Variants in OSBPL3 observed in about 807,000 individuals in gnomAD.
OSBPL3 encodes the protein oxysterol-binding protein-related protein 3.
OSBPL3 carries 65 observed loss-of-function variants against 120.1 expected under a neutral mutation model. That is an observed-to-expected ratio of 0.54 (90% CI 0.44 to 0.67). The LOEUF (loss-of-function observed/expected upper bound fraction) is 0.67, where lower values mean the gene tolerates loss of function less well. OSBPL3 is among the 30% of genes least tolerant of loss of function. The probability of loss-of-function intolerance (pLI) is 0.00; values close to 1 mark genes in which losing one functional copy is unlikely to be tolerated. For missense variants in OSBPL3, 1,004 were observed against 1,082.1 expected, an observed-to-expected ratio of 0.93 and a Z score of 1.01; for synonymous variants, 416 against 402.6, an observed-to-expected ratio of 1.03 and a Z score of -0.40.
intron 1 of OSBPL3, among the ~76,000 whole-genome samples, chr7:24,942,475 T>C (rs1475224777): frequency 6.6e-6 from 1 of 152,012 alleles, no homozygotes; most frequent in African/African-American, 2.4e-5. Context: ...TGGTAATCCA[T>C]GCATTCCACG....
In OSBPL3 at chr7:24,867,707, G is replaced by A. The variant is rs962177311; in HGVS notation, c.382-1470C>T. Among the ~76,000 whole-genome samples the A allele has an allele frequency of 3.3e-5, 5 of 152,066 alleles. No homozygotes were observed. The highest frequency in any genetic ancestry group is 6.5e-5 in the Admixed American group (1 of 15,286). On this transcript the variant is annotated intron_variant, in intron 5 of 22. Transcript: ENST00000313367. This position sits in a 1 kb window ranked among gnomAD's most constrained non-coding sequence, Gnocchi z 4.5. ...TTTCTTTTGTAAATTGCCCAGTCTC[G>A]GGTATGTCTTTATCAGCAGTGTGAA... is the stretch of plus-strand genomic sequence containing the variant.
At chr7:24,915,648 A>C (rs973513597) in intron 1 of OSBPL3, among the ~76,000 whole-genome samples, 1 of 150,826 alleles carries the variant, frequency 6.6e-6, no homozygotes, top group Non-Finnish European at 1.5e-5. Flanking sequence ...ATCTTGGCTC[A>C]CTGCAGCCTC....
rs1025060013 is a variant in OSBPL3, at chr7:24,897,527, G to A, written c.-149-4906C>T. ...TTTTTAGTAGAGACGGGGTTTCACCGTGTTAGCCAGGATGGTCTCGATCTC... is the reference window on the plus strand; with the variant it reads ...TTTTTAGTAGAGACGGGGTTTCACCATGTTAGCCAGGATGGTCTCGATCTC... On this transcript the variant is annotated intron_variant, in intron 1 of 22. Transcript: ENST00000313367. Among the ~76,000 whole-genome samples, 4 of 151,596 alleles carry A rather than the reference G, an allele frequency of 2.6e-5. No homozygotes were observed. The East Asian group carries it at 5.8e-4, about 22-fold the overall frequency.
intron 2 of OSBPL3, among the ~76,000 whole-genome samples, chr7:24,890,710 T>C (rs1805219316): frequency 6.6e-6 from 1 of 152,158 alleles, no homozygotes; most frequent in African/African-American, 2.4e-5. Flanking sequence ...AAAGTCACAG[T>C]GTATGCATAT....
rs760887393 is a variant in OSBPL3 at position 24,946,644 on chromosome 7, G to A, written c.-150+33242C>T. On this transcript the variant is annotated intron_variant, in intron 1 of 22. Transcript: ENST00000313367. The surrounding 1 kb of genome is among the most constrained non-coding windows in gnomAD (Gnocchi z 4.3). Reference sequence around the variant, plus strand: ...GGTTACAAAGCTGCTTTTGGACTTTGGACTCCTAAGCAACAAAAGGCCACA... The same window carrying A: ...GGTTACAAAGCTGCTTTTGGACTTTAGACTCCTAAGCAACAAAAGGCCACA... Among the ~76,000 whole-genome samples, 1 of 152,124 alleles carries A rather than the reference G, an allele frequency of 6.6e-6. No individual in the cohort carries two copies. The highest frequency in any genetic ancestry group is 2.4e-5 in the African/African-American group (1 of 41,426).
Position 24,894,981 on chromosome 7 carries a change from T to G in OSBPL3, c.-149-2360A>C, listed in dbSNP as rs73091429. On this transcript the variant is annotated intron_variant, in intron 1 of 22. Coordinates refer to ENST00000313367, the MANE Select transcript of OSBPL3 (RefSeq NM_015550.4). The surrounding 1 kb of genome is among the most constrained non-coding windows in gnomAD (Gnocchi z 4.1). ...ATGACCCCCTGGTGACCCCTACCCCTGTCTCCTTTCCCCTTCTGGGAAAGA... is the reference window on the plus strand; with the variant it reads ...ATGACCCCCTGGTGACCCCTACCCCGGTCTCCTTTCCCCTTCTGGGAAAGA... Among the ~76,000 whole-genome samples the G allele has an allele frequency of 0.078, 11,881 of 152,208 alleles. 497 individuals are homozygous for G. Among genetic ancestry groups the G allele is most frequent in the South Asian group, 0.12 (575 of 4,822 alleles).
chr7:24,916,674 C>G lies in OSBPL3; in HGVS notation c.-149-24053G>C, dbSNP rs149215575. Among the ~76,000 whole-genome samples the G allele has an allele frequency of 6.6e-6, 1 of 152,134 alleles. No homozygotes were observed. The highest frequency in any genetic ancestry group is 1.5e-5 in the Non-Finnish European group (1 of 68,008). On this transcript the variant is annotated intron_variant, in intron 1 of 22. Coordinates refer to ENST00000313367, the MANE Select transcript of OSBPL3 (RefSeq NM_015550.4). This position sits in a 1 kb window ranked among gnomAD's most constrained non-coding sequence, Gnocchi z 4.9. The stretch of plus-strand genomic sequence containing the variant: ...TTGGAGAAACATTATGTGCCATGCT[C>G]TAAGGTGAAAGAATCTGCCTAATAT...
chr7:24,842,650 A>T (rs527554866), intron 12 of OSBPL3, among the ~76,000 whole-genome samples: 63 of 152,302 alleles, frequency 4.1e-4, no homozygotes, highest in African/African-American at 1.5e-3. Flanking sequence ...AACAAATCAC[A>T]AGGCAAAAAA....
At chr7:24,868,908 C>T (rs889507056) in intron 5 of OSBPL3, among the ~76,000 whole-genome samples, 1 of 152,150 alleles carries the variant, frequency 6.6e-6, no homozygotes, top group African/African-American at 2.4e-5. Flanking sequence ...AGAATAAGAG[C>T]ACTTTATTAA....
At position 24,820,443 on chromosome 7, in the gene OSBPL3, AG is replaced by A. The variant is rs1368774038; in HGVS notation, c.1885-206del. Among the ~76,000 whole-genome samples, 1 of 152,118 alleles carries A rather than the reference AG, an allele frequency of 6.6e-6. No individual in the cohort carries two copies. The highest frequency in any genetic ancestry group is 1.5e-5 in the Non-Finnish European group (1 of 68,010). On this transcript the variant is annotated intron_variant, in intron 16 of 22. Coordinates refer to ENST00000313367, the MANE Select transcript of OSBPL3 (RefSeq NM_015550.4). The surrounding 1 kb of genome is among the most constrained non-coding windows in gnomAD (Gnocchi z 4.6). Reference sequence around the variant, plus strand: ...CACTTGCTCAGATTGGTCAAGGCTGAGGGGAAGGCCCTTGAACGGAAGCCTC... The same window carrying A: ...CACTTGCTCAGATTGGTCAAGGCTGAGGGAAGGCCCTTGAACGGAAGCCTC...
chr7:24,927,038 G>A (rs1349969554), intron 1 of OSBPL3, among the ~76,000 whole-genome samples: 2 of 152,170 alleles, frequency 1.3e-5, no homozygotes, highest in African/African-American at 4.8e-5. Flanking sequence ...GTGAGCTTTG[G>A]ATTCCAAGAG....
At chr7:24,814,371 C>G (rs1794212803) in intron 19 of OSBPL3, among the ~76,000 whole-genome samples, 1 of 151,726 alleles carries the variant, frequency 6.6e-6, no homozygotes, top group Non-Finnish European at 1.5e-5. Context: ...CAGCGCCCGA[C>G]AGGCCACCAT....
intron 15 of OSBPL3, among the ~76,000 whole-genome samples, chr7:24,832,477 T>G (rs1387068858): frequency 7.5e-6 from 1 of 132,460 alleles, no homozygotes; most frequent in Non-Finnish European, 1.5e-5. Context: ...GCCACTGCAC[T>G]CCAGCCTGGG....
intron 12 of OSBPL3, 143 bp downstream of exon 12, chr7:24,848,926 G>A: frequency 1.6e-6 from 1 of 609,460 alleles, no homozygotes; most frequent in East Asian, 2.8e-5. Flanking sequence ...CCATGACCTA[G>A]CTGTGGCCAG....
At position 24,913,338 on chromosome 7, in the gene OSBPL3, T is replaced by C. The variant is rs985300729; in HGVS notation, c.-149-20717A>G. ...TCAGCAGGTGGGAAGCATGAGAACA[T>C]GGGGTGAAAAAGTCTCCTAGGTAAG... On this transcript the variant is annotated intron_variant, in intron 1 of 22. Coordinates refer to ENST00000313367, the MANE Select transcript of OSBPL3 (RefSeq NM_015550.4). This position sits in a 1 kb window ranked among gnomAD's most constrained non-coding sequence, Gnocchi z 5.3. Among the ~76,000 whole-genome samples the C allele has an allele frequency of 2.6e-5, 4 of 152,026 alleles. No homozygotes were observed. Among genetic ancestry groups the C allele is most frequent in the Non-Finnish European group, 5.9e-5 (4 of 68,002 alleles).
At chr7:24,958,014 AT>A (rs1815279211) in intron 1 of OSBPL3, among the ~76,000 whole-genome samples, 1 of 152,138 alleles carries the variant, frequency 6.6e-6, no homozygotes, top group Non-Finnish European at 1.5e-5. Flanking sequence ...ATTCTCCCAC[AT>A]TTAGGTTATT....
chr7:24,833,947 C>T lies in OSBPL3; in HGVS notation c.1746+539G>A, dbSNP rs1796686527. 4.1e-6 allele frequency: 1 copy of T among 242,978 alleles called. No individual in the cohort carries two copies. The highest frequency in any genetic ancestry group is 6.6e-6 in the Non-Finnish European group (1 of 151,214). The allele number at this position is 242,978 out of a possible 1,614,324, so 15.1% of individuals were successfully genotyped here. ...GCTTTTCTACGATTTTTTTTAAGTA[C>T]TCTATAAAATAAGAGGGAGAGAGAA... On this transcript the variant is annotated intron_variant, in intron 15 of 22. Coordinates refer to ENST00000313367, the MANE Select transcript of OSBPL3 (RefSeq NM_015550.4). The surrounding 1 kb of genome is among the most constrained non-coding windows in gnomAD (Gnocchi z 4.4).
intron 13 of OSBPL3, among the ~76,000 whole-genome samples, chr7:24,841,181 G>C (rs1797691635): frequency 6.6e-6 from 1 of 152,072 alleles, no homozygotes. Context: ...CTGTATTTAA[G>C]GGGTAACATT....
At position 24,821,389 on chromosome 7, in the gene OSBPL3, C is replaced by T. The variant is rs1337699626; in HGVS notation, c.1885-1151G>A. On this transcript the variant is annotated intron_variant, in intron 16 of 22. Transcript: ENST00000313367. This position sits in a 1 kb window ranked among gnomAD's most constrained non-coding sequence, Gnocchi z 5.5. ...TGTACAGTTTTCAGACCCGTCTTAT[C>T]AAGAACCCAGAATACTGAGCCCTTG... 6.6e-6 allele frequency among the ~76,000 whole-genome samples: 1 copy of T among 152,194 alleles called. No homozygotes were observed. Among genetic ancestry groups the T allele is most frequent in the Non-Finnish European group, 1.5e-5 (1 of 68,026 alleles).
Sources: gnomAD v4.1 joint callset for allele counts (sites outside exome capture counted in the v4.1 genomes callset) on GRCh38, gnomAD v4.1.1 for gene constraint, Gnocchi (gnomAD v3.1) non-coding constraint, MANE v1.5 for transcripts, NCBI Gene and HGNC (gene_info 2026-07-23, HGNC 2026-07-21) for gene names.